The following MAPK6 variants were observed in gnomAD, a reference collection of about 807,000 sequenced individuals.
MAPK6 encodes mitogen-activated protein kinase 6.
MAPK6 carries 19 observed loss-of-function variants against 59.3 expected under a neutral mutation model. The ratio of observed to expected loss-of-function variants is 0.32; its 90% CI spans 0.22 to 0.47. The LOEUF is 0.47. Among genes scored for constraint, MAPK6 ranks in the 20% least tolerant of loss-of-function variants. The pLI, the probability that MAPK6 is intolerant of heterozygous loss-of-function variation, is 1.00. For synonymous variants in MAPK6, 316 were observed against 290.3 expected (o/e 1.09, Z -0.90); for missense variants, 724 against 847.9 (o/e 0.85, Z 1.81).
At chr15:51,984,596 C>T (rs2057185055) in intron 2 of MAPK6, among the ~76,000 whole-genome samples, 1 of 151,760 alleles carries the variant, frequency 6.6e-6, no homozygotes, top group Non-Finnish European at 1.5e-5. Context: ...AGCCACCGTG[C>T]CCGGCCAGAA....
Position 52,045,911 on chromosome 15 carries a change from T to G in MAPK6, c.-550T>G, listed in dbSNP as rs746741024. ...CACCTGATCACTAACAAAAGACATC[T>G]TCTGTTAACCAACAGCCGCCAGGGC... On this transcript the variant is annotated 5_prime_UTR_variant, in exon 2 of 6. Transcript: ENST00000261845. 6.5e-6 allele frequency: 1 copy of G among 153,092 alleles called. No homozygotes were observed. The highest frequency in any genetic ancestry group is 1.5e-5 in the Non-Finnish European group (1 of 68,382). 9.5% of individuals were successfully genotyped at this position (153,092 alleles called of 1,614,324 possible). A position where few individuals can be genotyped will look rare whatever the true frequency, so the allele number is the denominator to read the frequency against.
chr15:52,063,751 C>G, intron 5 of MAPK6, 151 bp from the exon 6 acceptor site: 2 of 505,270 alleles, frequency 4.0e-6, no homozygotes, highest in South Asian at 6.9e-5. Context: ...CCTATCAAGA[C>G]TAAGTTCTGG....
At chr15:52,033,997 T>A (rs1173981978) in intron 1 of MAPK6, 2 of 152,252 alleles carry the variant, frequency 1.3e-5, no homozygotes, top group African/African-American at 4.8e-5. Context: ...GGTTGCTTTT[T>A]TTTTGGATAT....
intron 3 of MAPK6, among the ~76,000 whole-genome samples, chr15:52,054,354 C>T (rs927354873): frequency 1.1e-4 from 13 of 116,454 alleles, no homozygotes; most frequent in South Asian, 6.0e-4. Flanking sequence ...GCCAACAGAG[C>T]GAGACTCTGT....
chr15:52,041,534 G>A (rs1206362251), intron 1 of MAPK6, among the ~76,000 whole-genome samples: 1 of 152,170 alleles, frequency 6.6e-6, no homozygotes, highest in South Asian at 2.1e-4. Flanking sequence ...GAAAGATGGT[G>A]GAGATAATGG....
chr15:52,016,068 G>GCACACACACACACACACA (rs1183676940), upstream of MAPK6, among the ~76,000 whole-genome samples: 2 of 35,610 alleles, frequency 5.6e-5, no homozygotes, highest in African/African-American at 1.7e-4. Flanking sequence ...GCGCGCGCGC[G>GCACACACACACACACACA]CGCACACACA....
chr15:51,975,264 C>T (rs988594670), intron 1 of MAPK6, among the ~76,000 whole-genome samples: 3 of 151,656 alleles, frequency 2.0e-5, no homozygotes, highest in African/African-American at 4.8e-5. Flanking sequence ...CTCAACAGGC[C>T]GGGCGCGGTG....
chr15:52,020,166 A>C (rs554736667), intron 1 of MAPK6: 1 of 152,380 alleles, frequency 6.6e-6, no homozygotes, highest in East Asian at 1.9e-4. Context: ...GTTCACCAAA[A>C]AGGGCCTTGT....
chr15:52,043,742 ATTTTTTTT>A (rs71130125), intron 1 of MAPK6, among the ~76,000 whole-genome samples: 6 of 40,656 alleles, frequency 1.5e-4, no homozygotes, highest in South Asian at 1.5e-3. Context: ...AAGTTGTTTG[ATTTTTTTT>A]TTTTTTTTTT....
chr15:51,994,723 C>A (rs768658246), intron 2 of MAPK6, among the ~76,000 whole-genome samples: 1 of 152,146 alleles, frequency 6.6e-6, no homozygotes, highest in East Asian at 1.9e-4. Flanking sequence ...AGTGATGGGA[C>A]AAATTGACAT....
At chr15:51,987,105 G>A (rs1254230916) in intron 2 of MAPK6, among the ~76,000 whole-genome samples, 1 of 152,146 alleles carries the variant, frequency 6.6e-6, no homozygotes, top group Non-Finnish European at 1.5e-5. Flanking sequence ...CAACTTGTTA[G>A]CAAAGCTTTT....
At chr15:52,058,015 C>G (rs1294056168) in intron 3 of MAPK6, among the ~76,000 whole-genome samples, 2 of 152,262 alleles carry the variant, frequency 1.3e-5, no homozygotes, top group South Asian at 2.1e-4. Context: ...AATTTATAGA[C>G]ATTAAAGGAA....
Position 52,046,459 on chromosome 15 carries a change from A to C in MAPK6, c.-2A>C. The C allele has an allele frequency of 6.3e-7, 1 of 1,592,210 alleles. No individual in the cohort carries two copies. On this transcript the variant is annotated 5_prime_UTR_variant, in exon 2 of 6. Coordinates refer to ENST00000261845, the MANE Select transcript of MAPK6 (RefSeq NM_002748.4). ...GGAAAAGGCAATAGTAAGGGTTTCAAAATGGCAGAGAAATTTGAAAGTCTC... is the reference window on the plus strand; with the variant it reads ...GGAAAAGGCAATAGTAAGGGTTTCACAATGGCAGAGAAATTTGAAAGTCTC...
intron 3 of MAPK6, among the ~76,000 whole-genome samples, chr15:52,007,664 A>G: frequency 6.6e-6 from 1 of 151,144 alleles, no homozygotes; most frequent in Non-Finnish European, 1.5e-5. Flanking sequence ...GTTTGCACCA[A>G]TGTACTCCAG....
chr15:52,016,687 A>C (rs1186389136), upstream of MAPK6, among the ~76,000 whole-genome samples: 2 of 152,070 alleles, frequency 1.3e-5, no homozygotes, highest in Non-Finnish European at 2.9e-5. Flanking sequence ...CACCCACCTT[A>C]AACTATTATA....
At chr15:52,034,887 G>A (rs775746817) in intron 1 of MAPK6, among the ~76,000 whole-genome samples, 5 of 151,950 alleles carry the variant, frequency 3.3e-5, no homozygotes, top group Non-Finnish European at 5.9e-5. Context: ...TAGTAGAAAC[G>A]CGGTTTCACC....
chr15:52,036,286 C>A (rs933370377), intron 1 of MAPK6, among the ~76,000 whole-genome samples: 2 of 152,150 alleles, frequency 1.3e-5, no homozygotes, highest in African/African-American at 4.8e-5. Context: ...GAGTAGACCC[C>A]AGATCTTTAA....
At position 52,066,404 on chromosome 15, in the gene MAPK6, A is replaced by G; in HGVS notation, c.*1404A>G. The G allele has an allele frequency of 6.6e-6, 1 of 152,204 alleles. No homozygotes were observed. Among genetic ancestry groups the G allele is most frequent in the Non-Finnish European group, 1.5e-5 (1 of 68,036 alleles). The allele number at this position is 152,204 out of a possible 1,614,324, so 9.4% of individuals were successfully genotyped here. A position where few individuals can be genotyped will look rare whatever the true frequency, so the allele number is the denominator to read the frequency against. On this transcript the variant is annotated 3_prime_UTR_variant, in exon 6 of 6. Coordinates refer to ENST00000261845, the MANE Select transcript of MAPK6 (RefSeq NM_002748.4). ...AGTCTTTTGACTTAAACCATCACAT[A>G]TTAGAATGGAATAAAGCTTTATAAT...
chr15:52,055,647 C>T, intron 3 of MAPK6, among the ~76,000 whole-genome samples: 1 of 152,126 alleles, frequency 6.6e-6, no homozygotes, highest in Non-Finnish European at 1.5e-5. Context: ...TCCCGAGTAG[C>T]TGGGACTATA....
Sources: gnomAD v4.1 joint callset for allele counts (sites outside exome capture counted in the v4.1 genomes callset) on GRCh38, gnomAD v4.1.1 for gene constraint, MANE v1.5 for transcripts, NCBI Gene and HGNC (gene_info 2026-07-23, HGNC 2026-07-21) for gene names.